KCNT2: variants seen among roughly 807,000 people sequenced by gnomAD.
KCNT2 encodes potassium sodium-activated channel subfamily T member 2, also known as potassium channel subfamily T member 2.
Under a neutral mutation model 153.8 loss-of-function variants are expected in KCNT2, and 67 were observed. The observed-to-expected ratio is 0.44, with a 90% CI of 0.36 to 0.53. The LOEUF is 0.53. Ranked by LOEUF, KCNT2 falls within the 20% of genes least tolerant of loss-of-function variation. KCNT2 has a pLI of 0.00. For missense variants in KCNT2, 975 were observed against 1,354.8 expected, an observed-to-expected ratio of 0.72 and a Z score of 4.40; for synonymous variants, 500 against 458.8, an observed-to-expected ratio of 1.09 and a Z score of -1.15.
chr1:196,282,467 C>A, intron 23 of KCNT2, 111 bp from the exon 24 acceptor site: 2 of 561,288 alleles, frequency 3.6e-6, no homozygotes, highest in Non-Finnish European at 3.2e-6. Flanking sequence ...GATTATTTCT[C>A]ATATCACATT....
At chr1:196,542,668 G>A (rs2148876691) in intron 1 of KCNT2, among the ~76,000 whole-genome samples, 1 of 152,002 alleles carries the variant, frequency 6.6e-6, no homozygotes, top group East Asian at 1.9e-4. Flanking sequence ...GGTGTTTTTA[G>A]GTCCATTATT....
rs775922409 is a variant in KCNT2 at position 196,280,998 on chromosome 1, AC to A, written c.2782-11del. ...CTGCAGTGATTTTCATCTATAACAC[AC>A]ACAAATTATTTACATATTAAATGTG... is the stretch of plus-strand genomic sequence containing the variant. On this transcript the variant is annotated splice_polypyrimidine_tract_variant and intron_variant, in intron 24 of 27. Coordinates refer to ENST00000294725, the MANE Select transcript of KCNT2 (RefSeq NM_198503.5). 6 of 1,595,614 alleles carry A rather than the reference AC, an allele frequency of 3.8e-6. No individual in the cohort carries two copies. The highest frequency in any genetic ancestry group is 4.3e-6 in the Non-Finnish European group (5 of 1,166,294).
At chr1:196,295,128 A>G (rs1370022314) in intron 22 of KCNT2, among the ~76,000 whole-genome samples, 1 of 151,518 alleles carries the variant, frequency 6.6e-6, no homozygotes, top group Non-Finnish European at 1.5e-5. Flanking sequence ...CACATTGTAA[A>G]TATATATATG....
intron 8 of KCNT2, among the ~76,000 whole-genome samples, chr1:196,440,402 T>C (rs1223571240): frequency 6.6e-6 from 1 of 152,046 alleles, no homozygotes; most frequent in Non-Finnish European, 1.5e-5. Flanking sequence ...CATTTCACTT[T>C]TTTTATTGCA....
chr1:196,237,927 T>A (rs182344962), intron 26 of KCNT2, among the ~76,000 whole-genome samples: 1 of 152,006 alleles, frequency 6.6e-6, no homozygotes. Flanking sequence ...GAAATTTTGA[T>A]TCATATGTGC....
chr1:196,541,660 T>C (rs1656388257), intron 1 of KCNT2, among the ~76,000 whole-genome samples: 1 of 152,164 alleles, frequency 6.6e-6, no homozygotes, highest in Non-Finnish European at 1.5e-5. Context: ...TGCTGATCTT[T>C]TTTCTAACAA....
At chr1:196,585,353 C>A (rs1662548809) in intron 1 of KCNT2, among the ~76,000 whole-genome samples, 1 of 152,068 alleles carries the variant, frequency 6.6e-6, no homozygotes, top group African/African-American at 2.4e-5. Flanking sequence ...CATCAAGTAA[C>A]TGGTAGTGAG....
chr1:196,583,177 C>T (rs185410978), intron 1 of KCNT2, among the ~76,000 whole-genome samples: 9 of 152,014 alleles, frequency 5.9e-5, no homozygotes, highest in African/African-American at 1.4e-4. Context: ...TAATTAGAAG[C>T]GTAATAATTA....
At chr1:196,509,878 T>C (rs1289670728) in intron 1 of KCNT2, among the ~76,000 whole-genome samples, 2 of 152,160 alleles carry the variant, frequency 1.3e-5, no homozygotes, top group South Asian at 2.1e-4. Context: ...ATGTATTTAT[T>C]AAAAATGGGC....
At chr1:196,530,771 T>C (rs1654832715) in intron 1 of KCNT2, among the ~76,000 whole-genome samples, 1 of 152,072 alleles carries the variant, frequency 6.6e-6, no homozygotes. Flanking sequence ...TATCACAAGA[T>C]TTAACCATGA....
chr1:196,262,789 A>C (rs1657148380), intron 25 of KCNT2, among the ~76,000 whole-genome samples: 1 of 152,162 alleles, frequency 6.6e-6, no homozygotes, highest in Non-Finnish European at 1.5e-5. Context: ...CAATTAGAGA[A>C]TAAACAATCT....
chr1:196,270,830 T>G (rs965021193), intron 25 of KCNT2, among the ~76,000 whole-genome samples: 9 of 146,638 alleles, frequency 6.1e-5, no homozygotes, highest in African/African-American at 2.0e-4. Context: ...AACATGCAGG[T>G]GTGTGTGTGT....
At chr1:196,308,385 G>T (rs1661840801) in intron 21 of KCNT2, among the ~76,000 whole-genome samples, 1 of 151,984 alleles carries the variant, frequency 6.6e-6, no homozygotes, top group South Asian at 2.1e-4. Flanking sequence ...TCTGTGCCAA[G>T]CTGTGAGGAG....
chr1:196,294,422 C>T (rs975714849), intron 22 of KCNT2, among the ~76,000 whole-genome samples: 24 of 151,982 alleles, frequency 1.6e-4, no homozygotes, highest in African/African-American at 5.8e-4. Flanking sequence ...ATTACAGACA[C>T]GCGCCACCAT....
intron 23 of KCNT2, among the ~76,000 whole-genome samples, chr1:196,282,605 A>C (rs1659219954): frequency 6.6e-6 from 1 of 152,172 alleles, no homozygotes; most frequent in Non-Finnish European, 1.5e-5. Context: ...CTATGCTTAC[A>C]TTTTATGTGT....
intron 25 of KCNT2, among the ~76,000 whole-genome samples, chr1:196,262,014 CTAAA>C (rs906590993): frequency 1.3e-5 from 2 of 151,720 alleles, no homozygotes; most frequent in African/African-American, 4.8e-5. Flanking sequence ...ATATTACTTC[CTAAA>C]TATTTATCAT....
chr1:196,499,408 T>C (rs4113172), intron 1 of KCNT2, among the ~76,000 whole-genome samples: 2,621 of 152,356 alleles, frequency 0.017, 80 homozygotes, highest in African/African-American at 0.059. Context: ...AAGGGCCATA[T>C]TGAGTTTTGT....
intron 14 of KCNT2, among the ~76,000 whole-genome samples, chr1:196,358,066 T>G (rs1164200971): frequency 6.6e-6 from 1 of 151,716 alleles, no homozygotes; most frequent in African/African-American, 2.4e-5. Context: ...TCTTCTCTTA[T>G]AATTTCTAAC....
intron 5 of KCNT2, among the ~76,000 whole-genome samples, chr1:196,470,876 CTTTTTTTTTT>C (rs71154745): frequency 1.3e-5 from 1 of 75,886 alleles, no homozygotes; most frequent in Admixed American, 1.5e-4. Flanking sequence ...TTCTTTCTTT[CTTTTTTTTTT>C]TTTTTTTTTT....
Sources: allele counts gnomAD v4.1 joint callset (sites outside exome capture counted in the v4.1 genomes callset), GRCh38; gene constraint gnomAD v4.1.1; transcripts MANE v1.5; gene names NCBI Gene and HGNC (gene_info 2026-07-23, HGNC 2026-07-21).